The following GRIP1 variants were observed in gnomAD, a reference collection of about 807,000 sequenced individuals.
The protein encoded by GRIP1 is glutamate receptor interacting protein 1, also known as glutamate receptor-interacting protein 1.
A neutral mutation model predicts 129.9 loss-of-function variants in GRIP1; 45 were observed. The ratio of observed to expected loss-of-function variants is 0.35; its 90% CI spans 0.27 to 0.44. The LOEUF is 0.44. Among genes scored for constraint, GRIP1 ranks in the 20% least tolerant of loss-of-function variants. GRIP1 has a pLI of 1.00. For synonymous variants in GRIP1, 530 were observed against 520.8 expected (o/e 1.02, Z -0.24); for missense variants, 1,196 against 1,396.8 (o/e 0.86, Z 2.29).
At chr12:66,757,272 A>G (rs2037323259) in intron 1 of GRIP1, among the ~76,000 whole-genome samples, 1 of 151,852 alleles carries the variant, frequency 6.6e-6, no homozygotes, top group African/African-American at 2.4e-5. Context: ...TCTGGTAACC[A>G]CCTCACGTGA....
intron 1 of GRIP1, among the ~76,000 whole-genome samples, chr12:66,985,828 C>T (rs2135616092): frequency 6.6e-6 from 1 of 152,312 alleles, no homozygotes; most frequent in East Asian, 1.9e-4. Flanking sequence ...AGATCCTTCA[C>T]TGAGGACACT....
At position 66,935,660 on chromosome 12, in the gene GRIP1, G is replaced by A. The variant is rs58957383; in HGVS notation, c.58+133390C>T. Among the ~76,000 whole-genome samples the A allele has an allele frequency of 3.7e-3, 568 of 152,210 alleles. 4 individuals are homozygous for A. The highest frequency in any genetic ancestry group is 0.011 in the African/African-American group (445 of 41,524). ...CAAATTGGGCAGCCCTCAGAATCAC[G>A]GCAGATTCACAGAGACTCCAGGGGT... On this transcript the variant is annotated intron_variant, in intron 1 of 1. Transcript: ENST00000643019.
chr12:66,638,597 C>T (rs889594124), intron 1 of GRIP1, among the ~76,000 whole-genome samples: 3 of 152,106 alleles, frequency 2.0e-5, no homozygotes, highest in Non-Finnish European at 4.4e-5. Flanking sequence ...CTAGTTTAAG[C>T]ACTTCTCTTA....
intron 1 of GRIP1, among the ~76,000 whole-genome samples, chr12:66,731,327 T>G (rs1330766693): frequency 6.6e-6 from 1 of 152,196 alleles, no homozygotes; most frequent in Non-Finnish European, 1.5e-5. Context: ...TGAGAAGAGA[T>G]ATTAAATTGT....
chr12:66,390,380 G>C (rs2056536346), intron 19 of GRIP1, among the ~76,000 whole-genome samples: 1 of 152,142 alleles, frequency 6.6e-6, no homozygotes, highest in Non-Finnish European at 1.5e-5. Flanking sequence ...GGAGTACTTC[G>C]ATTCTATCCT....
intron 1 of GRIP1, among the ~76,000 whole-genome samples, chr12:66,815,850 T>TCTCTCTC (rs1555241792): frequency 1.7e-3 from 112 of 65,450 alleles, no homozygotes; most frequent in South Asian, 3.3e-3. Context: ...CTTTCTTTCT[T>TCTCTCTC]TCTTTCTCTC....
At chr12:67,011,279 A>C (rs1052631283) in intron 1 of GRIP1, among the ~76,000 whole-genome samples, 1 of 152,084 alleles carries the variant, frequency 6.6e-6, no homozygotes, top group African/African-American at 2.4e-5. Context: ...TGCCCTCTTT[A>C]CTCAACACAT....
chr12:66,871,420 C>T (rs1275397169), intron 1 of GRIP1, among the ~76,000 whole-genome samples: 1 of 152,102 alleles, frequency 6.6e-6, no homozygotes, highest in African/African-American at 2.4e-5. Context: ...CCTAGATCCA[C>T]ATTGCAGTAC....
chr12:67,056,498 A>G (rs557244100), intron 1 of GRIP1, among the ~76,000 whole-genome samples: 25 of 146,166 alleles, frequency 1.7e-4, no homozygotes, highest in African/African-American at 6.1e-4. Flanking sequence ...TTCCAGGAAC[A>G]AGTGTTCCAG....
intron 1 of GRIP1, among the ~76,000 whole-genome samples, chr12:66,957,682 A>T (rs1313044034): frequency 1.3e-5 from 2 of 152,178 alleles, no homozygotes; most frequent in African/African-American, 2.4e-5. Context: ...CCACAGAGGG[A>T]AAGTGCCATT....
chr12:67,046,186 CA>C (rs1348465111), intron 1 of GRIP1, among the ~76,000 whole-genome samples: 1 of 152,168 alleles, frequency 6.6e-6, no homozygotes, highest in Non-Finnish European at 1.5e-5. Context: ...AAGTCAAAGC[CA>C]ATAATTCCTC....
intron 7 of GRIP1, among the ~76,000 whole-genome samples, chr12:66,493,392 G>A (rs969960730): frequency 8.5e-5 from 13 of 152,142 alleles, no homozygotes; most frequent in Non-Finnish European, 1.6e-4. Context: ...CATGTCCATG[G>A]AACTGTATAT....
intron 1 of GRIP1, among the ~76,000 whole-genome samples, chr12:66,705,887 C>T (rs778389336): frequency 7.2e-5 from 11 of 152,136 alleles, no homozygotes; most frequent in South Asian, 6.2e-4. Context: ...CTTCCTCACA[C>T]CTTATATAAA....
intron 1 of GRIP1, among the ~76,000 whole-genome samples, chr12:66,981,470 C>A (rs2042241980): frequency 6.6e-6 from 1 of 152,054 alleles, no homozygotes; most frequent in South Asian, 2.1e-4. Flanking sequence ...TAATATTAAA[C>A]AACTGATCCT....
At chr12:66,604,242 C>T (rs1349452762) in intron 1 of GRIP1, among the ~76,000 whole-genome samples, 8 of 152,180 alleles carry the variant, frequency 5.3e-5, no homozygotes, top group African/African-American at 9.7e-5. Flanking sequence ...GTGATGCCTG[C>T]AGGCCTTTTG....
intron 1 of GRIP1, among the ~76,000 whole-genome samples, chr12:66,736,980 C>T (rs2080578151): frequency 6.6e-6 from 1 of 150,660 alleles, no homozygotes; most frequent in South Asian, 2.1e-4. Flanking sequence ...CTGGGCTCTG[C>T]AGACTGACAA....
intron 7 of GRIP1, among the ~76,000 whole-genome samples, chr12:66,504,640 C>T (rs138523055): frequency 1.3e-5 from 2 of 152,228 alleles, no homozygotes; most frequent in Non-Finnish European, 2.9e-5. Flanking sequence ...CAGATGGCCA[C>T]CACCAGTTAA....
At chr12:66,693,845 A>G (rs2035062538) in intron 1 of GRIP1, among the ~76,000 whole-genome samples, 1 of 152,200 alleles carries the variant, frequency 6.6e-6, no homozygotes. Flanking sequence ...AAAATGAAGG[A>G]CTATGCTCAG....
intron 15 of GRIP1, among the ~76,000 whole-genome samples, chr12:66,414,194 C>T (rs1411802839): frequency 1.6e-4 from 25 of 152,036 alleles, no homozygotes; most frequent in Admixed American, 1.4e-3. Flanking sequence ...TCTAGAAAAC[C>T]GCATCATCTC....
Sources: allele counts gnomAD v4.1 joint callset (sites outside exome capture counted in the v4.1 genomes callset), GRCh38; gene constraint gnomAD v4.1.1; transcripts MANE v1.5; gene names NCBI Gene and HGNC (gene_info 2026-07-23, HGNC 2026-07-21).